GSE1: variants seen among roughly 807,000 people sequenced by gnomAD.
GSE1 encodes genetic suppressor element 1.
Under a neutral mutation model 112.6 loss-of-function variants are expected in GSE1, and 32 were observed. The observed-to-expected ratio is 0.28, with a 90% CI of 0.21 to 0.38. The LOEUF is 0.38. GSE1 is among the 10% of genes least tolerant of loss of function. The probability of loss-of-function intolerance (pLI) is 1.00; values close to 1 mark genes in which losing one functional copy is unlikely to be tolerated. For synonymous variants in GSE1, 1,115 were observed against 735.6 expected, an observed-to-expected ratio of 1.52 and a Z score of -8.35; for missense variants, 2,348 against 1,699.2, an observed-to-expected ratio of 1.38 and a Z score of -6.71.
At chr16:85,468,781 A>C (rs975556039) in intron 2 of GSE1, among the ~76,000 whole-genome samples, 1 of 152,212 alleles carries the variant, frequency 6.6e-6, no homozygotes, top group African/African-American at 2.4e-5. Context: ...TAAGAGTATG[A>C]GCTGGAAGAA....
chr16:85,659,663 G>GA (rs2052271608), intron 8 of GSE1: 1 of 152,188 alleles, frequency 6.6e-6, no homozygotes, highest in African/African-American at 2.4e-5. Flanking sequence ...GTAACACAGC[G>GA]AGACCCATCT....
chr16:85,593,062 C>T (rs558602048), intron 1 of GSE1: 2 of 152,408 alleles, frequency 1.3e-5, no homozygotes, highest in Admixed American at 6.5e-5. Context: ...AGGAATCATC[C>T]TCTCTAGTCC....
rs868170202 is a variant in GSE1 at position 85,674,477 on chromosome 16, G to C, written c.*1938G>C. 2 of 152,220 alleles carry C rather than the reference G, an allele frequency of 1.3e-5. No individual in the cohort carries two copies. The highest frequency in any genetic ancestry group is 2.1e-4 in the South Asian group (1 of 4,824). The allele number at this position is 152,220 out of a possible 1,614,324, so 9.4% of individuals were successfully genotyped here. A position where few individuals can be genotyped will look rare whatever the true frequency, so the allele number is the denominator to read the frequency against. Reference sequence around the variant, plus strand: ...AGCATGTTCCACAGGTGTTCAGAGGGAGTCTGCTACAAACTATCAGGGCAA... The same window carrying C: ...AGCATGTTCCACAGGTGTTCAGAGGCAGTCTGCTACAAACTATCAGGGCAA... On this transcript the variant is annotated 3_prime_UTR_variant, in exon 16 of 16. Transcript: ENST00000253458.
chr16:85,552,027 CTTTT>C (rs1319349527), upstream of GSE1, among the ~76,000 whole-genome samples: 2 of 147,444 alleles, frequency 1.4e-5, no homozygotes, highest in Non-Finnish European at 3.0e-5. Context: ...TTCTTTCTTT[CTTTT>C]TTTTTTTTCT....
At chr16:85,602,131 G>A (rs2047493064) in intron 1 of GSE1, among the ~76,000 whole-genome samples, 1 of 152,252 alleles carries the variant, frequency 6.6e-6, no homozygotes, top group Admixed American at 6.5e-5. Flanking sequence ...GATGAAGGCA[G>A]AAGGCCGGGC....
At chr16:85,413,316 G>A (rs903204038) in intron 2 of GSE1, among the ~76,000 whole-genome samples, 4 of 152,170 alleles carry the variant, frequency 2.6e-5, no homozygotes, top group African/African-American at 4.8e-5. Flanking sequence ...TAGCTTTGGC[G>A]CTTTACCTAG....
chr16:85,334,190 C>T (rs965613671), intron 1 of GSE1, among the ~76,000 whole-genome samples: 4 of 152,210 alleles, frequency 2.6e-5, no homozygotes, highest in African/African-American at 9.6e-5. Flanking sequence ...ACTCTATGAT[C>T]GACTTGGCTC....
intron 2 of GSE1, among the ~76,000 whole-genome samples, chr16:85,438,951 C>G (rs1315617405): frequency 6.6e-6 from 1 of 152,234 alleles, no homozygotes; most frequent in Non-Finnish European, 1.5e-5. Flanking sequence ...CAGGGGCCAC[C>G]TGAGCAGGTG....
chr16:85,525,561 G>C (rs557739198), intron 2 of GSE1, among the ~76,000 whole-genome samples: 178 of 152,306 alleles, frequency 1.2e-3, no homozygotes, highest in African/African-American at 4.1e-3. Context: ...TGTGGGAGCT[G>C]ATCCCCCAAA....
At chr16:85,589,613 G>A (rs980993302) in intron 1 of GSE1, among the ~76,000 whole-genome samples, 1 of 152,210 alleles carries the variant, frequency 6.6e-6, no homozygotes, top group Non-Finnish European at 1.5e-5. Context: ...GTGTGTGTGT[G>A]TATGCGCATA....
intron 2 of GSE1, among the ~76,000 whole-genome samples, chr16:85,499,164 C>T (rs531164056): frequency 1.4e-4 from 22 of 152,108 alleles, no homozygotes; most frequent in Non-Finnish European, 3.1e-4. Flanking sequence ...TTGGGACACT[C>T]CTGGGAGTGG....
At chr16:85,664,259 C>A (rs137965656) in intron 11 of GSE1, among the ~76,000 whole-genome samples, 1 of 152,232 alleles carries the variant, frequency 6.6e-6, no homozygotes. Context: ...CTGCCCCTTA[C>A]GCACGCTTTC....
intron 1 of GSE1, among the ~76,000 whole-genome samples, chr16:85,596,913 G>A (rs1200055123): frequency 1.3e-5 from 2 of 152,300 alleles, no homozygotes; most frequent in East Asian, 3.9e-4. Context: ...GCACACACCT[G>A]TAATCCCAGC....
At chr16:85,485,052 G>A (rs2050790157) in intron 2 of GSE1, among the ~76,000 whole-genome samples, 1 of 152,318 alleles carries the variant, frequency 6.6e-6, no homozygotes, top group Non-Finnish European at 1.5e-5. Flanking sequence ...CCCTTGCCAG[G>A]CTACCCGTTG....
At chr16:85,422,367 GGC>G (rs1491530466) in intron 2 of GSE1, among the ~76,000 whole-genome samples, 15 of 139,144 alleles carry the variant, frequency 1.1e-4, no homozygotes, top group Non-Finnish European at 2.3e-4. Context: ...AGCTGGGCGG[GGC>G]GGGGGGGGGT....
intron 2 of GSE1, among the ~76,000 whole-genome samples, chr16:85,361,693 G>GGAAA (rs1321372147): frequency 3.3e-5 from 5 of 152,230 alleles, no homozygotes; most frequent in African/African-American, 4.8e-5. Flanking sequence ...CTTTTGCCAG[G>GGAAA]GAAAGGAAGC....
intron 2 of GSE1, among the ~76,000 whole-genome samples, chr16:85,449,632 C>T (rs988869075): frequency 1.3e-5 from 2 of 152,244 alleles, no homozygotes; most frequent in African/African-American, 4.8e-5. Flanking sequence ...ATGCCTTGTT[C>T]CCAGCCCAGC....
chr16:85,401,592 C>G (rs2048117100), intron 2 of GSE1, among the ~76,000 whole-genome samples: 1 of 152,134 alleles, frequency 6.6e-6, no homozygotes, highest in African/African-American at 2.4e-5. Flanking sequence ...TGGGGCGGCC[C>G]ATCCAGGTGA....
intron 1 of GSE1, among the ~76,000 whole-genome samples, chr16:85,309,414 A>C (rs561950517): frequency 6.6e-6 from 1 of 152,168 alleles, no homozygotes; most frequent in East Asian, 1.9e-4. Flanking sequence ...GGATCGCTTG[A>C]ACCCAGGAGT....
Sources: gnomAD v4.1 joint callset for allele counts (sites outside exome capture counted in the v4.1 genomes callset) on GRCh38, gnomAD v4.1.1 for gene constraint, MANE v1.5 for transcripts, NCBI Gene and HGNC (gene_info 2026-07-23, HGNC 2026-07-21) for gene names.